The following ERICH1 variants were observed in gnomAD, a reference collection of about 807,000 sequenced individuals.
ERICH1 encodes the protein glutamate rich 1.
In ERICH1, 56 loss-of-function variants were observed where a neutral mutation model predicts 39.6. The observed-to-expected ratio is 1.41, with a 90% CI of 1.14 to 1.77. ERICH1 has a LOEUF of 1.77. Among genes scored for constraint, ERICH1 ranks in the 40% most tolerant of loss-of-function variants. ERICH1 has a pLI of 0.00. For synonymous variants in ERICH1, 313 were observed against 223.6 expected (o/e 1.40, Z -3.57); for missense variants, 826 against 575.4 (o/e 1.44, Z -4.45).
rs180994245 is a variant in ERICH1, at chr8:645,430, G to A, written c.976+23168C>T. On this transcript the variant is annotated intron_variant, in intron 3 of 3. Coordinates refer to the ERICH1 transcript ENST00000522706. ...ATACTTTGATTATTTAGAAAACACC[G>A]CATGCCTGATACTGTGCTTGAAAAG... is the stretch of plus-strand genomic sequence containing the variant. Among the ~76,000 whole-genome samples, 2 of 69,132 alleles carry A rather than the reference G, an allele frequency of 2.9e-5. 1 individual carries two copies. Among genetic ancestry groups the A allele is most frequent in the African/African-American group, 7.3e-5 (2 of 27,544 alleles). The allele number at this position is 69,132 out of a possible 152,430, so 45.4% of individuals were successfully genotyped here. A position where few individuals can be genotyped will look rare whatever the true frequency, so the allele number is the denominator to read the frequency against.
At chr8:681,829 C>T (rs1585257192) in intron 3 of ERICH1, among the ~76,000 whole-genome samples, 1 of 152,162 alleles carries the variant, frequency 6.6e-6, no homozygotes, top group South Asian at 2.1e-4. Flanking sequence ...CTGAGGCCCA[C>T]CTGTGCGCTT....
chr8:694,850 CGA>C (rs903453410), intron 2 of ERICH1, among the ~76,000 whole-genome samples: 1 of 152,154 alleles, frequency 6.6e-6, no homozygotes, highest in Non-Finnish European at 1.5e-5. Context: ...TGGGCGGCAG[CGA>C]GAGTTCCCCG....
chr8:664,757 C>G, intron 5 of ERICH1, 81 bp from the exon 6 acceptor site: 5 of 1,172,352 alleles, frequency 4.3e-6, no homozygotes, highest in Non-Finnish European at 6.1e-6. Flanking sequence ...TAGACACGAG[C>G]CTTTGGGCCC....
rs1436603418 is a variant in ERICH1, at chr8:706,643, G to C, written c.169+9218C>G. Among the ~76,000 whole-genome samples, 12 of 152,256 alleles carry C rather than the reference G, an allele frequency of 7.9e-5. No individual in the cohort carries two copies. The East Asian group carries it at 2.1e-3, about 27-fold the overall frequency. Reference sequence around the variant, plus strand: ...ATACAAAAAAAATTAGTCGGACGTGGTGGCACACGCATGTAATCCCAGCTA... The same window carrying C: ...ATACAAAAAAAATTAGTCGGACGTGCTGGCACACGCATGTAATCCCAGCTA... On this transcript the variant is annotated intron_variant, in intron 2 of 5. Transcript: ENST00000262109.
At position 673,922 on chromosome 8, in the gene ERICH1, G is replaced by A. The variant is rs1563229653; in HGVS notation, c.430C>T (p.Gln144Ter). Residue 144 changes from glutamine to a stop codon, truncating the protein, a stop_gained, in exon 4 of 6, where the codon CAG becomes TAG. Coordinates refer to ENST00000262109, the MANE Select transcript of ERICH1 (RefSeq NM_207332.3). LOFTEE classifies it high-confidence loss of function. ...AELEKQQSLL[Q>*]EKSQRQHTDG... ...GTGTGCTGTCGCTGAGATTTCTCCTGTAACAGACTCTGCTGTTTCTCTAAT... is the reference window on the plus strand; with the variant it reads ...GTGTGCTGTCGCTGAGATTTCTCCTATAACAGACTCTGCTGTTTCTCTAAT... 5.0e-6 allele frequency: 8 copies of A among 1,613,066 alleles called. No homozygotes were observed. Among genetic ancestry groups the A allele is most frequent in the Non-Finnish European group, 5.9e-6 (7 of 1,179,964 alleles).
intron 2 of ERICH1, among the ~76,000 whole-genome samples, chr8:702,836 G>T (rs749628808): frequency 6.6e-6 from 1 of 152,238 alleles, no homozygotes; most frequent in African/African-American, 2.4e-5. Flanking sequence ...GCAGGAGCGA[G>T]AGCTGGATGC....
rs4593520 is a variant in ERICH1, at chr8:647,487, C to T, written c.976+21111G>A. On this transcript the variant is annotated intron_variant, in intron 3 of 3. Coordinates refer to the ERICH1 transcript ENST00000522706. ...ATACAAGGATAGACATTTGTATGTA[C>T]GATAATTTAAAAAGGACTTGAAATT... Among the ~76,000 whole-genome samples, 16 of 66,418 alleles carry T rather than the reference C, an allele frequency of 2.4e-4. 6 individuals are homozygous for T. Among genetic ancestry groups the T allele is most frequent in the Admixed American group, 6.4e-4 (5 of 7,796 alleles). The allele number at this position is 66,418 out of a possible 152,430, so 43.6% of individuals were successfully genotyped here.
chr8:692,563 CCCGCTGGCAGTGTAGAG>C lies in ERICH1; in HGVS notation c.202_218del (p.Leu68AlafsTer3), dbSNP rs1367058058. On this transcript the variant is annotated frameshift_variant, in exon 3 of 6. Coordinates refer to ENST00000262109, the MANE Select transcript of ERICH1 (RefSeq NM_207332.3). LOFTEE classifies it high-confidence loss of function. ...AACAGGGGACGTAGCCCTCAGGAGG[CCCGCTGGCAGTGTAGAG>C]CCGTCGGGCAGTCGGGGTCTCAGAG... 1.2e-6 allele frequency: 2 copies of C among 1,613,568 alleles called. No individual in the cohort carries two copies. The highest frequency in any genetic ancestry group is 1.7e-6 in the Non-Finnish European group (2 of 1,179,782).
At chr8:657,970 AAG>A (rs1444361132) in intron 3 of ERICH1, among the ~76,000 whole-genome samples, 12 of 152,140 alleles carry the variant, frequency 7.9e-5, no homozygotes, top group Non-Finnish European at 1.5e-4. Context: ...GTCCAAATAC[AAG>A]GCTGGGCCCA....
At chr8:633,486 A>G (rs755601351) in intron 3 of ERICH1, among the ~76,000 whole-genome samples, 8 of 152,206 alleles carry the variant, frequency 5.3e-5, no homozygotes, top group African/African-American at 9.6e-5. Flanking sequence ...TCAAAACAAT[A>G]TATCTTCCTG....
chr8:616,125 A>AT (rs1023602329), intron 3 of ERICH1: 1 of 168,308 alleles, frequency 5.9e-6, no homozygotes, highest in African/African-American at 2.4e-5. Context: ...ACTTCTGGTA[A>AT]TTTTTTCTCT....
intron 3 of ERICH1, among the ~76,000 whole-genome samples, chr8:637,249 C>T (rs899790055): frequency 4.5e-4 from 69 of 152,308 alleles, no homozygotes; most frequent in African/African-American, 1.6e-3. Context: ...CAACCAACAG[C>T]CTCGTCCCCG....
intron 2 of ERICH1, among the ~76,000 whole-genome samples, chr8:696,879 T>C (rs796646186): frequency 4.9e-4 from 51 of 105,000 alleles, no homozygotes; most frequent in African/African-American, 1.3e-3. Flanking sequence ...CATCAGCCTG[T>C]GCGCGCTCCT....
chr8:715,081 T>G (rs1282437484), intron 2 of ERICH1, among the ~76,000 whole-genome samples: 2 of 151,894 alleles, frequency 1.3e-5, no homozygotes, highest in Non-Finnish European at 2.9e-5. Context: ...AGGTGGTCTA[T>G]TCCCGTGTCT....
rs139797119 is a variant in ERICH1, at chr8:673,772, C to G, written c.580G>C (p.Asp194His). 3.4e-5 allele frequency: 55 copies of G among 1,614,084 alleles called. No homozygotes were observed. The highest frequency in any genetic ancestry group is 4.5e-5 in the Non-Finnish European group (53 of 1,180,056). Residue 194 changes from aspartate (D) to histidine (H), a missense_variant, in exon 4 of 6, where the codon GAC becomes CAC. Transcript: ENST00000262109. ...AGVSFMYQPE[D>H]SSNEGEGVGE... ...ACGCCTTCCCCTTCATTGCTGCTGTCCTCGGGCTGGTACATGAAACTGACA... is the reference window on the plus strand; with the variant it reads ...ACGCCTTCCCCTTCATTGCTGCTGTGCTCGGGCTGGTACATGAAACTGACA...
rs1585183729 is a variant in ERICH1, at chr8:673,339, T to C, written c.1013A>G (p.His338Arg). The C allele has an allele frequency of 3.1e-6, 5 of 1,613,884 alleles. No homozygotes were observed. Among genetic ancestry groups the C allele is most frequent in the East Asian group, 4.5e-5 (2 of 44,900 alleles). Residue 338 changes from histidine to arginine, a missense_variant, in exon 4 of 6, where the codon CAC becomes CGC. His to Arg is a conservative substitution (Grantham distance 29). Transcript: ENST00000262109. ...EDDTITNEKA[H>R]SILNFLKSTQ... ...TGACTTCAAAAAATTTAGAATACTG[T>C]GTGCCTTTTCATTGGTAATTGTATC...
intron 3 of ERICH1, chr8:686,702 G>C (rs1034281544): frequency 1.3e-5 from 2 of 152,284 alleles, no homozygotes; most frequent in African/African-American, 4.8e-5. Context: ...TCCAAGTCCA[G>C]GCTCTCATCC....
chr8:664,243 G>A lies in ERICH1; in HGVS notation c.*360C>T, dbSNP rs2131774282. The stretch of plus-strand genomic sequence containing the variant: ...TTAATACCCAGAAAGCATTCTTAAA[G>A]CAGAGACTTTCAGATACAAGGTGAT... On this transcript the variant is annotated 3_prime_UTR_variant, in exon 6 of 6. Coordinates refer to ENST00000262109, the MANE Select transcript of ERICH1 (RefSeq NM_207332.3). 1 of 997,540 alleles carries A rather than the reference G, an allele frequency of 1.0e-6. No homozygotes were observed. The highest frequency in any genetic ancestry group is 1.2e-6 in the Non-Finnish European group (1 of 838,200). 61.8% of individuals were successfully genotyped at this position (997,540 alleles called of 1,614,324 possible).
chr8:668,829 G>C (rs773030046), intron 4 of ERICH1, 37 bp from the exon 5 acceptor site: 22 of 1,542,826 alleles, frequency 1.4e-5, no homozygotes, highest in Non-Finnish European at 1.9e-5. Flanking sequence ...ATACAGTTTT[G>C]TTTTTATTTC....
Sources: allele counts gnomAD v4.1 joint callset (sites outside exome capture counted in the v4.1 genomes callset), GRCh38; gene constraint gnomAD v4.1.1; transcripts MANE v1.5; gene names NCBI Gene and HGNC (gene_info 2026-07-23, HGNC 2026-07-21).